Variants in ASIC2 observed in about 807,000 individuals in gnomAD.
The protein encoded by ASIC2 is acid-sensing ion channel 2.
In ASIC2, 25 loss-of-function variants were observed where a neutral mutation model predicts 57.3. The ratio of observed to expected loss-of-function variants is 0.44; its 90% CI spans 0.32 to 0.61. ASIC2 has a LOEUF of 0.61. ASIC2 is among the 20% of genes least tolerant of loss of function. ASIC2 has a pLI of 0.06. For missense variants in ASIC2, 641 were observed against 738.1 expected (o/e 0.87, Z 1.52); for synonymous variants, 319 against 307.5 (o/e 1.04, Z -0.39).
At chr17:33,333,978 CTCTT>C (rs1452676940) in intron 1 of ASIC2, among the ~76,000 whole-genome samples, 2 of 152,236 alleles carry the variant, frequency 1.3e-5, no homozygotes, top group Non-Finnish European at 2.9e-5. Flanking sequence ...GCACAACAAA[CTCTT>C]TCTTCAGCCT....
At chr17:34,000,647 C>T (rs1644342295) in intron 1 of ASIC2, 1 of 152,168 alleles carries the variant, frequency 6.6e-6, no homozygotes, top group Non-Finnish European at 1.5e-5. Flanking sequence ...TTTTATGTCA[C>T]CATTTATTAA....
At chr17:33,624,216 G>A (rs1905902625) in intron 1 of ASIC2, 1 of 152,168 alleles carries the variant, frequency 6.6e-6, no homozygotes, top group Non-Finnish European at 1.5e-5. Context: ...CATCCAGAGG[G>A]ATATATCAGC....
chr17:33,327,903 A>G (rs574133271), intron 1 of ASIC2, among the ~76,000 whole-genome samples: 3 of 152,294 alleles, frequency 2.0e-5, no homozygotes, highest in Admixed American at 6.5e-5. Flanking sequence ...TTGGAGATAC[A>G]CAGCATATAG....
At chr17:34,037,439 A>G (rs1597986979) in intron 1 of ASIC2, 2 of 604,816 alleles carry the variant, frequency 3.3e-6, no homozygotes, top group African/African-American at 1.9e-5. Flanking sequence ...GAGCTGCCCA[A>G]GGTTTCTCCT....
chr17:33,987,533 C>T (rs1273439023), intron 1 of ASIC2, among the ~76,000 whole-genome samples: 4 of 152,140 alleles, frequency 2.6e-5, no homozygotes, highest in South Asian at 2.1e-4. Context: ...ATCTGGGGAA[C>T]CTGAGATGCA....
At chr17:34,007,939 T>A (rs1050519128) in intron 1 of ASIC2, among the ~76,000 whole-genome samples, 1 of 152,084 alleles carries the variant, frequency 6.6e-6, no homozygotes, top group African/African-American at 2.4e-5. Context: ...CCCCACCCCC[T>A]CCAACACACA....
At chr17:33,588,712 G>C (rs1437242776) in intron 1 of ASIC2, among the ~76,000 whole-genome samples, 1 of 152,206 alleles carries the variant, frequency 6.6e-6, no homozygotes, top group Non-Finnish European at 1.5e-5. Flanking sequence ...GGCAGAGAGG[G>C]AAGGTGTTAC....
At chr17:33,268,341 T>TCATC (rs35123270) in intron 1 of ASIC2, among the ~76,000 whole-genome samples, 1,833 of 147,906 alleles carry the variant, frequency 0.012, 12 homozygotes, top group East Asian at 0.02. Context: ...CATCTTTCCA[T>TCATC]CATCCATCCA....
intron 1 of ASIC2, among the ~76,000 whole-genome samples, chr17:33,657,393 G>A (rs1231304617): frequency 6.6e-6 from 1 of 152,174 alleles, no homozygotes; most frequent in Admixed American, 6.5e-5. Flanking sequence ...CAGGGGCCAT[G>A]AGGCAGCTGG....
intron 1 of ASIC2, among the ~76,000 whole-genome samples, chr17:33,835,165 GT>G (rs1913238885): frequency 6.6e-6 from 1 of 152,196 alleles, no homozygotes; most frequent in Admixed American, 6.5e-5. Context: ...GGTCAAGGGG[GT>G]TGGCTCTGGG....
chr17:33,479,003 A>G (rs1913317240), intron 1 of ASIC2, among the ~76,000 whole-genome samples: 1 of 151,912 alleles, frequency 6.6e-6, no homozygotes, highest in African/African-American at 2.4e-5. Context: ...GTTTTATTTT[A>G]TTTTATTTTA....
chr17:33,862,509 C>T (rs919508224), intron 1 of ASIC2, among the ~76,000 whole-genome samples: 1 of 152,074 alleles, frequency 6.6e-6, no homozygotes, highest in African/African-American at 2.4e-5. Flanking sequence ...CAGCAAGATA[C>T]AGATTTTTAA....
At chr17:33,980,761 T>A (rs1465565330) in intron 1 of ASIC2, 1 of 152,202 alleles carries the variant, frequency 6.6e-6, no homozygotes, top group Non-Finnish European at 1.5e-5. Flanking sequence ...TCACATCCAA[T>A]GATTGATCCA....
chr17:33,215,988 CAA>C (rs1907471231), intron 1 of ASIC2, among the ~76,000 whole-genome samples: 2 of 152,186 alleles, frequency 1.3e-5, no homozygotes, highest in African/African-American at 2.4e-5. Flanking sequence ...CGTCAGCCAC[CAA>C]GCCCGGCCAC....
intron 1 of ASIC2, among the ~76,000 whole-genome samples, chr17:34,104,572 A>G (rs927444892): frequency 5.9e-5 from 9 of 152,056 alleles, no homozygotes; most frequent in Non-Finnish European, 5.9e-5. Flanking sequence ...CTTCCCCATC[A>G]AGAATTAACA....
intron 1 of ASIC2, among the ~76,000 whole-genome samples, chr17:33,238,907 G>C (rs1347149866): frequency 6.6e-6 from 1 of 152,184 alleles, no homozygotes; most frequent in Non-Finnish European, 1.5e-5. Context: ...AGGAGGCTGA[G>C]GATGGAAAAT....
chr17:33,087,241 C>T (rs2141963709), intron 3 of ASIC2, among the ~76,000 whole-genome samples: 1 of 152,300 alleles, frequency 6.6e-6, no homozygotes, highest in South Asian at 2.1e-4. Flanking sequence ...AACTTTGCCC[C>T]TGCCATCCTC....
At chr17:33,605,779 G>A (rs1311944948) in intron 1 of ASIC2, among the ~76,000 whole-genome samples, 1 of 152,184 alleles carries the variant, frequency 6.6e-6, no homozygotes, top group Non-Finnish European at 1.5e-5. Flanking sequence ...AGCACGTCCT[G>A]CCTCCGGCCC....
chr17:33,647,557 G>A (rs1254395745), intron 1 of ASIC2, among the ~76,000 whole-genome samples: 2 of 152,216 alleles, frequency 1.3e-5, no homozygotes. Flanking sequence ...CAGACCAGCA[G>A]GGCTGAGACC....
Sources: gnomAD v4.1 joint callset for allele counts (sites outside exome capture counted in the v4.1 genomes callset) on GRCh38, gnomAD v4.1.1 for gene constraint, MANE v1.5 for transcripts, NCBI Gene and HGNC (gene_info 2026-07-23, HGNC 2026-07-21) for gene names.